Variants in MAST4 observed in about 807,000 individuals in gnomAD.
MAST4 encodes microtubule-associated serine/threonine-protein kinase 4.
A neutral mutation model predicts 162.7 loss-of-function variants in MAST4; 89 were observed. That is an observed-to-expected ratio of 0.55 (90% CI 0.46 to 0.65). The LOEUF (loss-of-function observed/expected upper bound fraction) is 0.65. Among genes scored for constraint, MAST4 ranks in the 30% least tolerant of loss-of-function variants. MAST4 has a pLI of 0.00. For synonymous variants in MAST4, 1,479 were observed against 1,361.1 expected, an observed-to-expected ratio of 1.09 and a Z score of -1.91; for missense variants, 3,153 against 3,374.0, an observed-to-expected ratio of 0.93 and a Z score of 1.62.
chr5:66,712,153 CTG>C (rs1049178617), intron 1 of MAST4, among the ~76,000 whole-genome samples: 9 of 152,210 alleles, frequency 5.9e-5, no homozygotes, highest in African/African-American at 2.2e-4. Flanking sequence ...TGTTCTGTGA[CTG>C]TTATACACAC....
At chr5:66,724,106 C>A (rs1224773235) in intron 1 of MAST4, among the ~76,000 whole-genome samples, 2 of 152,158 alleles carry the variant, frequency 1.3e-5, no homozygotes, top group African/African-American at 4.8e-5. Flanking sequence ...TATTTCTTAG[C>A]AAACATGCTG....
At chr5:67,148,733 CTT>C (rs1415665140) in intron 23 of MAST4, among the ~76,000 whole-genome samples, 4 of 152,100 alleles carry the variant, frequency 2.6e-5, no homozygotes, top group Non-Finnish European at 5.9e-5. Flanking sequence ...GAGTAATATC[CTT>C]TGTCTTGCTT....
chr5:66,980,760 T>A (rs1468085263), intron 4 of MAST4, among the ~76,000 whole-genome samples: 1 of 152,250 alleles, frequency 6.6e-6, no homozygotes, highest in African/African-American at 2.4e-5. Flanking sequence ...TCTTTGCCTT[T>A]CAGTTATCAC....
At chr5:67,100,365 C>G (rs1463158800) in intron 7 of MAST4, 70 bp from the exon 8 acceptor site, 13 of 1,498,560 alleles carry the variant, frequency 8.7e-6, no homozygotes, top group Non-Finnish European at 1.2e-5. Context: ...TTTAACTCAT[C>G]GATCTCTCCT....
chr5:66,982,158 C>T (rs1279564074), intron 4 of MAST4, among the ~76,000 whole-genome samples: 1 of 152,178 alleles, frequency 6.6e-6, no homozygotes, highest in Non-Finnish European at 1.5e-5. Flanking sequence ...CCAGTCTGCT[C>T]CTGTATAATG....
At chr5:66,648,617 T>C (rs1037228526) in intron 1 of MAST4, among the ~76,000 whole-genome samples, 1 of 152,192 alleles carries the variant, frequency 6.6e-6, no homozygotes, top group Non-Finnish European at 1.5e-5. Flanking sequence ...TAATATTTCA[T>C]TGCAGACTAA....
At chr5:66,952,257 G>C (rs1481676698) in intron 4 of MAST4, among the ~76,000 whole-genome samples, 1 of 152,056 alleles carries the variant, frequency 6.6e-6, no homozygotes, top group Non-Finnish European at 1.5e-5. Context: ...TTCTCATAAT[G>C]CCTCTGTAGG....
chr5:66,944,452 A>G (rs116121963), intron 4 of MAST4, among the ~76,000 whole-genome samples: 247 of 152,268 alleles, frequency 1.6e-3, no homozygotes, highest in African/African-American at 5.8e-3. Flanking sequence ...ATATTAGCAT[A>G]ATAGAAGGCT....
intron 2 of MAST4, among the ~76,000 whole-genome samples, chr5:66,764,764 AT>A (rs1754012149): frequency 6.6e-6 from 1 of 152,228 alleles, no homozygotes; most frequent in South Asian, 2.1e-4. Flanking sequence ...AAAGTTTAAA[AT>A]TAAGAAGTTT....
At chr5:67,075,704 G>T (rs985049793) in intron 5 of MAST4, among the ~76,000 whole-genome samples, 1 of 152,104 alleles carries the variant, frequency 6.6e-6, no homozygotes, top group African/African-American at 2.4e-5. Flanking sequence ...TTGTTTTGCT[G>T]TAACTATATG....
At chr5:66,911,208 T>C (rs560895870) in intron 4 of MAST4, among the ~76,000 whole-genome samples, 1 of 152,292 alleles carries the variant, frequency 6.6e-6, no homozygotes, top group Non-Finnish European at 1.5e-5. Context: ...ATCCCGTGCA[T>C]CACTCACATA....
Position 67,165,617 on chromosome 5 carries a change from G to A in MAST4, c.6438G>A (p.Pro2146=), listed in dbSNP as rs368526600. The part of the protein sequence containing the change: ...PPLTAKDLSS[P]AARQHCSSPS... ...TGACGGCCAAAGACCTGTCCAGCCC[G>A]GCTGCCAGGCAGCATTGCAGTTCCC... is the stretch of plus-strand genomic sequence containing the variant. Residue 2146 remains proline (P), a synonymous_variant, in exon 29 of 29, where the codon CCG becomes CCA. Transcript: ENST00000403625. 3.7e-6 allele frequency: 6 copies of A among 1,612,990 alleles called. No homozygotes were observed. The highest frequency in any genetic ancestry group is 1.3e-5 in the African/African-American group (1 of 74,908).
chr5:66,967,684 T>TA (rs549249080), intron 4 of MAST4, among the ~76,000 whole-genome samples: 4,942 of 112,822 alleles, frequency 0.044, 245 homozygotes, highest in African/African-American at 0.13. Flanking sequence ...TCACACTCCT[T>TA]AAAAAAAAAA....
chr5:66,899,581 G>T (rs546560616), intron 3 of MAST4, among the ~76,000 whole-genome samples: 4 of 152,208 alleles, frequency 2.6e-5, no homozygotes, highest in African/African-American at 9.6e-5. Context: ...TTATAATCCT[G>T]CAAAATGTCT....
chr5:66,866,365 G>A (rs41184), intron 3 of MAST4, among the ~76,000 whole-genome samples: 79,514 of 151,460 alleles, frequency 0.52, 22,534 homozygotes, highest in Non-Finnish European at 0.64. Context: ...GATTAGTTCT[G>A]TGGGTTTTTA....
chr5:66,888,806 T>G (rs1289158177), intron 3 of MAST4, among the ~76,000 whole-genome samples: 1 of 152,198 alleles, frequency 6.6e-6, no homozygotes, highest in African/African-American at 2.4e-5. Flanking sequence ...GAAATGCAAG[T>G]GAACTGAAAA....
At position 67,149,269 on chromosome 5, in the gene MAST4, C is replaced by T; in HGVS notation, c.3095-120C>T. The T allele has an allele frequency of 1.3e-5, 11 of 818,108 alleles. No homozygotes were observed. The South Asian group carries it at 1.7e-4, about 13-fold the overall frequency. 50.7% of individuals were successfully genotyped at this position (818,108 alleles called of 1,614,324 possible). On this transcript the variant is annotated intron_variant, in intron 23 of 28. Transcript: ENST00000403625. ...GTTCGCCTGACACCGTCTGGACTTA[C>T]TGGCCACATAGGAGTATGTTCTCTG...
Position 67,054,500 on chromosome 5 carries a change from GT to G in MAST4, c.763+10del. 6.3e-7 allele frequency: 1 copy of G among 1,596,930 alleles called. No homozygotes were observed. The highest frequency in any genetic ancestry group is 2.3e-5 in the East Asian group (1 of 44,230). On this transcript the variant is annotated intron_variant, in intron 5 of 28. Coordinates refer to ENST00000403625, the MANE Select transcript of MAST4 (RefSeq NM_001164664.2). ...CTCTCTCTGCTCATGCAGGTAATTG[GT>G]TACCATTTCTTGAGTTTTGTTTTAT...
chr5:66,728,667 G>A (rs1267332665), intron 1 of MAST4, among the ~76,000 whole-genome samples: 5 of 152,110 alleles, frequency 3.3e-5, no homozygotes, highest in African/African-American at 7.2e-5. Context: ...AAAAGTCTAC[G>A]GAGAAAGGTA....
Sources: gnomAD v4.1 joint callset for allele counts (sites outside exome capture counted in the v4.1 genomes callset) on GRCh38, gnomAD v4.1.1 for gene constraint, MANE v1.5 for transcripts, NCBI Gene and HGNC (gene_info 2026-07-23, HGNC 2026-07-21) for gene names.